The following SLC7A14 variants were observed in gnomAD, a reference collection of about 807,000 sequenced individuals.
The protein encoded by SLC7A14 is solute carrier family 7 member 14.
In SLC7A14, 37 loss-of-function variants were observed where a neutral mutation model predicts 60.2. The observed-to-expected ratio is 0.61, with a 90% CI of 0.47 to 0.81. The LOEUF is 0.81. SLC7A14 is among the 30% of genes least tolerant of loss of function. The pLI is 0.00. For synonymous variants in SLC7A14, 399 were observed against 395.8 expected (o/e 1.01, Z -0.10); for missense variants, 886 against 982.7 (o/e 0.90, Z 1.32).
intron 2 of SLC7A14, among the ~76,000 whole-genome samples, chr3:170,511,778 C>T (rs1429954248): frequency 6.6e-6 from 1 of 152,184 alleles, no homozygotes; most frequent in Non-Finnish European, 1.5e-5. Context: ...AGAGTCTAGA[C>T]CAAGCCCTAG....
intron 1 of SLC7A14, among the ~76,000 whole-genome samples, chr3:170,583,348 GA>G (rs1715288275): frequency 6.6e-6 from 1 of 152,216 alleles, no homozygotes; most frequent in Admixed American, 6.5e-5. Context: ...GAAAGAGCTG[GA>G]AGACAAAGGA....
At chr3:170,490,037 T>C (rs1385816501) in intron 4 of SLC7A14, among the ~76,000 whole-genome samples, 1 of 152,102 alleles carries the variant, frequency 6.6e-6, no homozygotes, top group African/African-American at 2.4e-5. Flanking sequence ...TTAGATAACA[T>C]AACAGGGTGA....
At chr3:170,518,527 C>T (rs1446231796) in intron 2 of SLC7A14, among the ~76,000 whole-genome samples, 1 of 152,124 alleles carries the variant, frequency 6.6e-6, no homozygotes, top group African/African-American at 2.4e-5. Flanking sequence ...AACAGCTTCC[C>T]TGCCTCCATT....
At chr3:170,491,256 G>T (rs1712209598) in intron 4 of SLC7A14, among the ~76,000 whole-genome samples, 1 of 152,142 alleles carries the variant, frequency 6.6e-6, no homozygotes. Flanking sequence ...AACAAGAGAA[G>T]GGATGGCAAT....
intron 1 of SLC7A14, among the ~76,000 whole-genome samples, chr3:170,566,471 G>A (rs1164265368): frequency 6.6e-6 from 1 of 152,182 alleles, no homozygotes; most frequent in Admixed American, 6.5e-5. Flanking sequence ...TGATTCTATA[G>A]CAATGAAATG....
At chr3:170,540,826 A>G (rs537203860) in intron 1 of SLC7A14, among the ~76,000 whole-genome samples, 8 of 152,352 alleles carry the variant, frequency 5.3e-5, no homozygotes, top group African/African-American at 1.7e-4. Context: ...GCTTGCTTCT[A>G]AACTGTTGAG....
At chr3:170,554,317 A>G (rs983255422) in intron 1 of SLC7A14, among the ~76,000 whole-genome samples, 2 of 152,214 alleles carry the variant, frequency 1.3e-5, no homozygotes, top group Non-Finnish European at 2.9e-5. Context: ...GAAATTAACC[A>G]TGAGTCAGAT....
At position 170,461,256 on chromosome 3, in the gene SLC7A14, A is replaced by G. The variant is rs1739597856; in HGVS notation, c.*5799T>C. ...ACACTGTTTTAGTTGATACTGCAGA[A>G]CACATATTCACCTTTGATGGGCTAC... is the stretch of plus-strand genomic sequence containing the variant. On this transcript the variant is annotated 3_prime_UTR_variant, in exon 8 of 8. Transcript: ENST00000231706. 1 of 152,202 alleles carries G rather than the reference A, an allele frequency of 6.6e-6. No homozygotes were observed. The highest frequency in any genetic ancestry group is 1.9e-4 in the East Asian group (1 of 5,198). The allele number at this position is 152,202 out of a possible 1,614,324, so 9.4% of individuals were successfully genotyped here. A position where few individuals can be genotyped will look rare whatever the true frequency, so the allele number is the denominator to read the frequency against.
intron 2 of SLC7A14, among the ~76,000 whole-genome samples, chr3:170,522,147 T>G (rs1310340027): frequency 6.6e-6 from 1 of 152,134 alleles, no homozygotes; most frequent in Non-Finnish European, 1.5e-5. Context: ...ACCTAACAAT[T>G]CTGAGTGCTG....
Position 170,552,221 on chromosome 3 carries a change from T to C in SLC7A14, c.-152-25133A>G, listed in dbSNP as rs373015624. 3.1e-4 allele frequency among the ~76,000 whole-genome samples: 47 copies of C among 152,284 alleles called. No homozygotes were observed. The East Asian group carries it at 8.3e-3, about 27-fold the overall frequency. On this transcript the variant is annotated intron_variant, in intron 1 of 7. Coordinates refer to ENST00000231706, the MANE Select transcript of SLC7A14 (RefSeq NM_020949.3). ...TGTCAAGACAATTGGTGTCTTAGTG[T>C]CAAGACAATTCAATAGGAAAAATAA...
intron 1 of SLC7A14, among the ~76,000 whole-genome samples, chr3:170,551,986 TA>T (rs1714366315): frequency 6.6e-6 from 1 of 152,210 alleles, no homozygotes; most frequent in African/African-American, 2.4e-5. Context: ...ACGTATTGCC[TA>T]ATCCAAAATT....
intron 2 of SLC7A14, among the ~76,000 whole-genome samples, chr3:170,502,638 T>C (rs1712651898): frequency 1.3e-5 from 2 of 152,324 alleles, no homozygotes; most frequent in South Asian, 4.1e-4. Context: ...AACCCTGAAG[T>C]TCTCTCATCA....
intron 4 of SLC7A14, chr3:170,496,505 C>T (rs560333989): frequency 5.4e-6 from 8 of 1,485,550 alleles, no homozygotes; most frequent in Admixed American, 1.7e-5. Context: ...AGCTGGAGGC[C>T]GCCCTGCAGC....
chr3:170,512,824 C>T (rs554653192), intron 2 of SLC7A14, among the ~76,000 whole-genome samples: 26 of 151,838 alleles, frequency 1.7e-4, no homozygotes, highest in Non-Finnish European at 3.1e-4. Flanking sequence ...CCACTACGCC[C>T]GGCTAATTTT....
intron 7 of SLC7A14, among the ~76,000 whole-genome samples, chr3:170,476,515 C>A (rs903586754): frequency 2.0e-5 from 3 of 152,138 alleles, no homozygotes; most frequent in African/African-American, 7.2e-5. Context: ...TTTGTGCTAT[C>A]AGCAAGATTA....
chr3:170,545,734 C>T (rs376813241), intron 1 of SLC7A14, among the ~76,000 whole-genome samples: 131 of 152,312 alleles, frequency 8.6e-4, no homozygotes, highest in African/African-American at 2.9e-3. Flanking sequence ...GTCTTCTTCT[C>T]CTGCCAAGAA....
Position 170,510,387 on chromosome 3 carries a change from CAA to C in SLC7A14, c.305-9044_305-9043del, listed in dbSNP as rs200708263. 4.8e-3 allele frequency among the ~76,000 whole-genome samples: 479 copies of C among 99,148 alleles called. 5 individuals carry two copies. Among genetic ancestry groups the C allele is most frequent in the African/African-American group, 0.017 (451 of 25,876 alleles). The allele number at this position is 99,148 out of a possible 152,430, so 65.0% of individuals were successfully genotyped here. A position where few individuals can be genotyped will look rare whatever the true frequency, so the allele number is the denominator to read the frequency against. ...CCTCAGTGACAGAGCAAGACTCTGT[CAA>C]AAAAAAAAAAATAAATAAATAAATA... On this transcript the variant is annotated intron_variant, in intron 2 of 7. Transcript: ENST00000231706.
intron 7 of SLC7A14, among the ~76,000 whole-genome samples, chr3:170,470,054 G>T (rs781573139): frequency 1.3e-5 from 2 of 152,142 alleles, no homozygotes; most frequent in East Asian, 3.9e-4. Flanking sequence ...AGATGCTATA[G>T]ATCACCTATG....
At chr3:170,469,225 TTGC>T in intron 7 of SLC7A14, among the ~76,000 whole-genome samples, 1 of 152,310 alleles carries the variant, frequency 6.6e-6, no homozygotes, top group Non-Finnish European at 1.5e-5. Context: ...CAAGCCTGCT[TTGC>T]TGCTGTGGTG....
Sources: allele counts gnomAD v4.1 joint callset (sites outside exome capture counted in the v4.1 genomes callset), GRCh38; gene constraint gnomAD v4.1.1; transcripts MANE v1.5; gene names NCBI Gene and HGNC (gene_info 2026-07-23, HGNC 2026-07-21).